Variants in HECW2 observed in about 807,000 individuals in gnomAD.
HECW2 encodes E3 ubiquitin-protein ligase HECW2.
In HECW2, 61 loss-of-function variants were observed where a neutral mutation model predicts 175.2. That is an observed-to-expected ratio of 0.35 (90% CI 0.28 to 0.43). The LOEUF (loss-of-function observed/expected upper bound fraction) is 0.43. Among genes scored for constraint, HECW2 ranks in the 20% least tolerant of loss-of-function variants. The probability of loss-of-function intolerance (pLI) is 1.00; values close to 1 mark genes in which losing one functional copy is unlikely to be tolerated. For synonymous variants in HECW2, 671 were observed against 731.0 expected (o/e 0.92, Z 1.32); for missense variants, 1,524 against 2,000.5 (o/e 0.76, Z 4.54).
At chr2:196,301,923 A>ATTG (rs1017595224) in intron 13 of HECW2, among the ~76,000 whole-genome samples, 4 of 152,016 alleles carry the variant, frequency 2.6e-5, no homozygotes, top group African/African-American at 9.7e-5. Flanking sequence ...TTTTGTTGCA[A>ATTG]TTGCTTTTGG....
chr2:196,408,635 CA>C (rs1415658947), intron 2 of HECW2, among the ~76,000 whole-genome samples: 17 of 152,182 alleles, frequency 1.1e-4, no homozygotes, highest in Non-Finnish European at 7.4e-5. Flanking sequence ...AACTTTCTTT[CA>C]AGATACAAAG....
At chr2:196,482,123 C>T (rs955400360) in intron 1 of HECW2, among the ~76,000 whole-genome samples, 1 of 152,216 alleles carries the variant, frequency 6.6e-6, no homozygotes, top group African/African-American at 2.4e-5. Context: ...TCTCTTTCAA[C>T]CTCTCATGGT....
chr2:196,363,360 A>G (rs944805875), intron 2 of HECW2, among the ~76,000 whole-genome samples: 1 of 152,160 alleles, frequency 6.6e-6, no homozygotes, highest in African/African-American at 2.4e-5. Flanking sequence ...ACTAAGGCTC[A>G]CCGAGAAGAA....
intron 14 of HECW2, chr2:196,288,580 T>C (rs930399610): frequency 1.3e-5 from 2 of 152,226 alleles, no homozygotes; most frequent in African/African-American, 2.4e-5. Flanking sequence ...TCCTACAGTA[T>C]ATCCCTTATA....
chr2:196,461,801 C>A (rs1236819393), intron 1 of HECW2, among the ~76,000 whole-genome samples: 4 of 152,036 alleles, frequency 2.6e-5, no homozygotes, highest in African/African-American at 4.8e-5. Flanking sequence ...ATGGGGGAAC[C>A]ATCCCCATGA....
intron 17 of HECW2, among the ~76,000 whole-genome samples, chr2:196,269,864 G>C (rs1244351803): frequency 6.6e-6 from 1 of 152,188 alleles, no homozygotes; most frequent in African/African-American, 2.4e-5. Flanking sequence ...ATTATACAGA[G>C]AGGTTTTGAA....
chr2:196,257,287 G>A (rs1418079150), intron 18 of HECW2, among the ~76,000 whole-genome samples: 1 of 152,012 alleles, frequency 6.6e-6, no homozygotes, highest in Non-Finnish European at 1.5e-5. Flanking sequence ...TGAGGGGCGG[G>A]GGTGAAAATA....
chr2:196,375,332 T>C (rs1694023535), intron 2 of HECW2, among the ~76,000 whole-genome samples: 1 of 152,198 alleles, frequency 6.6e-6, no homozygotes, highest in Non-Finnish European at 1.5e-5. Flanking sequence ...GGAGTCCCAG[T>C]CTATCTTAGA....
chr2:196,356,861 T>C (rs757954957), intron 2 of HECW2, among the ~76,000 whole-genome samples: 14 of 152,210 alleles, frequency 9.2e-5, no homozygotes, highest in Non-Finnish European at 1.3e-4. Context: ...CAGTGTATGG[T>C]AGGGTTCAGC....
intron 2 of HECW2, among the ~76,000 whole-genome samples, chr2:196,354,586 C>T (rs888186126): frequency 3.3e-5 from 5 of 152,316 alleles, no homozygotes; most frequent in African/African-American, 1.2e-4. Context: ...AATATTAGTA[C>T]TATATTCTTT....
chr2:196,283,155 G>A (rs1385886500), intron 14 of HECW2, among the ~76,000 whole-genome samples: 2 of 150,430 alleles, frequency 1.3e-5, no homozygotes, highest in African/African-American at 2.4e-5. Context: ...CCAGCTACTC[G>A]GGAGGCTGAG....
chr2:196,250,622 C>T (rs1424551162), intron 19 of HECW2, among the ~76,000 whole-genome samples: 1 of 152,136 alleles, frequency 6.6e-6, no homozygotes, highest in Non-Finnish European at 1.5e-5. Context: ...TTTAAACTTA[C>T]CTGTAGTGTC....
intron 20 of HECW2, among the ~76,000 whole-genome samples, chr2:196,240,860 A>C (rs7569400): frequency 1.3e-5 from 2 of 152,090 alleles, no homozygotes; most frequent in Admixed American, 1.3e-4. Context: ...ATCATAAAAC[A>C]ACACCACACA....
At chr2:196,267,060 G>A (rs1165273709) in intron 17 of HECW2, among the ~76,000 whole-genome samples, 1 of 152,142 alleles carries the variant, frequency 6.6e-6, no homozygotes, top group Non-Finnish European at 1.5e-5. Flanking sequence ...ATGTCCTCAT[G>A]GTGAGGGGAG....
At chr2:196,305,739 C>A (rs186865211) in intron 13 of HECW2, among the ~76,000 whole-genome samples, 2 of 152,158 alleles carry the variant, frequency 1.3e-5, no homozygotes, top group South Asian at 2.1e-4. Flanking sequence ...TCCCTGTCTG[C>A]GATTCCTCTC....
intron 18 of HECW2, among the ~76,000 whole-genome samples, chr2:196,257,304 C>T (rs1254397058): frequency 6.6e-6 from 1 of 152,086 alleles, no homozygotes; most frequent in Non-Finnish European, 1.5e-5. Flanking sequence ...AATAATTGGT[C>T]AGTTTTATGA....
At chr2:196,580,397 T>A (rs1285408384) in intron 1 of HECW2, among the ~76,000 whole-genome samples, 1 of 152,106 alleles carries the variant, frequency 6.6e-6, no homozygotes, top group Non-Finnish European at 1.5e-5. Context: ...GAAAAAACAA[T>A]CTACAAAACA....
chr2:196,295,709 T>C (rs1293097625), intron 13 of HECW2, among the ~76,000 whole-genome samples: 1 of 152,196 alleles, frequency 6.6e-6, no homozygotes, highest in Non-Finnish European at 1.5e-5. Context: ...AAAAAAGAAC[T>C]TCATTAGGGC....
chr2:196,278,914 G>A (rs544975806), intron 14 of HECW2, among the ~76,000 whole-genome samples: 5 of 152,210 alleles, frequency 3.3e-5, no homozygotes, highest in Admixed American at 2.6e-4. Flanking sequence ...AATGCTCCAC[G>A]AGATAGTCAC....
Sources: allele counts gnomAD v4.1 joint callset (sites outside exome capture counted in the v4.1 genomes callset), GRCh38; gene constraint gnomAD v4.1.1; transcripts MANE v1.5; gene names NCBI Gene and HGNC (gene_info 2026-07-23, HGNC 2026-07-21).